TTC7A: variants seen among roughly 807,000 people sequenced by gnomAD.
The protein encoded by TTC7A is tetratricopeptide repeat domain 7A.
A neutral mutation model predicts 103.7 loss-of-function variants in TTC7A; 110 were observed. The ratio of observed to expected loss-of-function variants is 1.06; its 90% CI spans 0.91 to 1.24. The LOEUF (loss-of-function observed/expected upper bound fraction) is 1.24. Among genes scored for constraint, TTC7A ranks in the 50% most tolerant of loss-of-function variants. The probability of loss-of-function intolerance (pLI) is 0.00; values close to 1 mark genes in which losing one functional copy is unlikely to be tolerated. For missense variants in TTC7A, 1,340 were observed against 1,116.3 expected (o/e 1.20, Z -2.86); for synonymous variants, 521 against 467.9 (o/e 1.11, Z -1.47).
intron 2 of TTC7A, among the ~76,000 whole-genome samples, chr2:46,920,436 T>G (rs770391404): frequency 4.6e-5 from 7 of 152,050 alleles, no homozygotes; most frequent in Non-Finnish European, 1.0e-4. Flanking sequence ...TTCAAGCAGT[T>G]CTCCTGCCTC....
chr2:46,971,196 A>C (rs2104187952), intron 3 of TTC7A, among the ~76,000 whole-genome samples: 1 of 152,346 alleles, frequency 6.6e-6, no homozygotes, highest in African/African-American at 2.4e-5. Context: ...AAACATATGA[A>C]CAAATAAGTA....
Position 46,922,854 on chromosome 2 carries a change from C to G in TTC7A, c.82+5577C>G, listed in dbSNP as rs1158089895. Among the ~76,000 whole-genome samples the G allele has an allele frequency of 5.3e-5, 8 of 152,276 alleles. No homozygotes were observed. In the East Asian group the frequency reaches 1.5e-3, roughly 29 times the overall value. On this transcript the variant is annotated intron_variant, in intron 2 of 20. Coordinates refer to the TTC7A transcript ENST00000409245. ...ATCTACCTAGAGATAACCTCAGAAACCGCAGGTTGAGGGTTCAGTTTTACA... is the reference window on the plus strand; with the variant it reads ...ATCTACCTAGAGATAACCTCAGAAAGCGCAGGTTGAGGGTTCAGTTTTACA...
At chr2:46,923,339 C>T (rs1352221007) in intron 2 of TTC7A, among the ~76,000 whole-genome samples, 1 of 150,664 alleles carries the variant, frequency 6.6e-6, no homozygotes, top group Non-Finnish European at 1.5e-5. Flanking sequence ...TTGGTCTTTC[C>T]AGTAAAGAGC....
intron 5 of TTC7A, among the ~76,000 whole-genome samples, chr2:46,981,834 C>T (rs984598457): frequency 6.6e-6 from 1 of 152,216 alleles, no homozygotes; most frequent in African/African-American, 2.4e-5. Flanking sequence ...TCTCAATTGC[C>T]TGGAAGAGAA....
chr2:46,966,474 A>G (rs1399416360), intron 3 of TTC7A, among the ~76,000 whole-genome samples: 2 of 152,128 alleles, frequency 1.3e-5, no homozygotes, highest in Non-Finnish European at 2.9e-5. Context: ...TTAAAAAAGT[A>G]TTTCATGAGT....
chr2:47,017,355 C>G (rs760210762), intron 11 of TTC7A, among the ~76,000 whole-genome samples: 9 of 151,466 alleles, frequency 5.9e-5, no homozygotes, highest in Non-Finnish European at 8.8e-5. Context: ...CCTGCCTCAT[C>G]TCTACAAAAA....
chr2:46,981,567 A>C (rs919078088), intron 5 of TTC7A, among the ~76,000 whole-genome samples: 3 of 152,202 alleles, frequency 2.0e-5, no homozygotes, highest in African/African-American at 7.2e-5. Flanking sequence ...TAAGTTTGGG[A>C]AACAATGGAT....
intron 8 of TTC7A, among the ~76,000 whole-genome samples, chr2:46,999,168 C>T (rs1676529386): frequency 6.6e-6 from 1 of 152,056 alleles, no homozygotes; most frequent in Admixed American, 6.5e-5. Context: ...ATCCATCCAC[C>T]CATTAATCCA....
At position 46,994,350 on chromosome 2, in the gene TTC7A, C is replaced by G. The variant is rs765541604; in HGVS notation, c.844-7C>G. 39 of 1,610,810 alleles carry G rather than the reference C, an allele frequency of 2.4e-5. 1 individual carries two copies. In the South Asian group the frequency reaches 2.6e-4, roughly 11 times the overall value. On this transcript the variant is annotated splice_region_variant and splice_polypyrimidine_tract_variant and intron_variant, in intron 6 of 19. Transcript: ENST00000319190. ...TGCCTGGGTCCGAGTGCTTCCCTCT[C>G]TGCCAGATGGCGGCCAAGCACCTGG...
At chr2:47,044,994 G>C (rs953101794) in intron 15 of TTC7A, among the ~76,000 whole-genome samples, 1 of 152,186 alleles carries the variant, frequency 6.6e-6, no homozygotes, top group African/African-American at 2.4e-5. Flanking sequence ...GTCTGGGTAG[G>C]GACCCTCCGA....
At chr2:47,060,722 C>G in intron 18 of TTC7A, 47 bp from the exon 19 acceptor site, 1 of 1,548,524 alleles carries the variant, frequency 6.5e-7, no homozygotes, top group Non-Finnish European at 8.8e-7. Context: ...CAGGATGCCT[C>G]TGACTCCCCA....
chr2:47,069,763 G>C (rs1684503515), intron 19 of TTC7A, among the ~76,000 whole-genome samples: 1 of 152,198 alleles, frequency 6.6e-6, no homozygotes, highest in Non-Finnish European at 1.5e-5. Context: ...CAGCCTCCCT[G>C]GAAGGGTGTG....
At chr2:47,021,765 C>G (rs1337170046) in intron 11 of TTC7A, 97 bp from the exon 12 acceptor site, 1 of 938,532 alleles carries the variant, frequency 1.1e-6, no homozygotes, top group African/African-American at 1.6e-5. Context: ...TGACCTTGAG[C>G]ACAAGGCTTC....
rs1677447803 is a variant in TTC7A at position 47,006,733 on chromosome 2, C to T, written c.1287+9C>T. The T allele has an allele frequency of 1.2e-6, 2 of 1,608,858 alleles. No homozygotes were observed. The highest frequency in any genetic ancestry group is 1.7e-5 in the Admixed American group (1 of 60,004). On this transcript the variant is annotated intron_variant, in intron 10 of 19. Coordinates refer to ENST00000319190, the MANE Select transcript of TTC7A (RefSeq NM_020458.4). Reference sequence around the variant, plus strand: ...TGGTGGCTTGTGGGAAGGTAAGGCCCAGGGGGCGCTAGGGGTTGCACACTC... The same window carrying T: ...TGGTGGCTTGTGGGAAGGTAAGGCCTAGGGGGCGCTAGGGGTTGCACACTC...
Position 46,993,479 on chromosome 2 carries a change from G to A in TTC7A, c.794G>A (p.Arg265Gln), listed in dbSNP as rs78745374. 2.1e-4 allele frequency: 343 copies of A among 1,614,182 alleles called. No homozygotes were observed. Among genetic ancestry groups the A allele is most frequent in the Non-Finnish European group, 2.7e-4 (316 of 1,180,036 alleles). The change falls in exon 6 of 20, where the codon CGG becomes CAG. Residue 265 changes from arginine to glutamine, a missense_variant. By Grantham distance (43) the Arg-to-Gln change is conservative. Coordinates refer to ENST00000319190, the MANE Select transcript of TTC7A (RefSeq NM_020458.4). ...ATCGTGAAGGGCATGAGAGAGCTCCGGGAGGTGCTGCGGACTGTGGAGACC... is the reference window on the plus strand; with the variant it reads ...ATCGTGAAGGGCATGAGAGAGCTCCAGGAGGTGCTGCGGACTGTGGAGACC... ...GNIVKGMREL[R>Q]EVLRTVETKA...
At chr2:46,981,668 C>T (rs1255343292) in intron 5 of TTC7A, among the ~76,000 whole-genome samples, 3 of 152,216 alleles carry the variant, frequency 2.0e-5, no homozygotes, top group Non-Finnish European at 2.9e-5. Context: ...GCTGACTGTT[C>T]GATGTGGTGC....
intron 5 of TTC7A, among the ~76,000 whole-genome samples, chr2:46,987,809 C>CGCGTGTGTGTGT (rs1466713336): frequency 1.9e-4 from 27 of 144,550 alleles, no homozygotes; most frequent in East Asian, 1.4e-3. Flanking sequence ...CCTTTCCGCG[C>CGCGTGTGTGTGT]GTGTGTGTGT....
At chr2:46,973,406 C>G (rs1389127538) in intron 3 of TTC7A, among the ~76,000 whole-genome samples, 7 of 152,194 alleles carry the variant, frequency 4.6e-5, no homozygotes, top group African/African-American at 1.7e-4. Flanking sequence ...CCGCATGGTG[C>G]AGGGAAACCC....
intron 18 of TTC7A, chr2:47,054,039 G>T: frequency 3.4e-6 from 3 of 895,112 alleles, no homozygotes; most frequent in Non-Finnish European, 4.0e-6. Context: ...AGAAACACAT[G>T]CCTTTCAGTC....
Sources: gnomAD v4.1 joint callset for allele counts (sites outside exome capture counted in the v4.1 genomes callset) on GRCh38, gnomAD v4.1.1 for gene constraint, MANE v1.5 for transcripts, NCBI Gene and HGNC (gene_info 2026-07-23, HGNC 2026-07-21) for gene names.